Variants in PRPF19 observed in about 807,000 individuals in gnomAD.
PRPF19 encodes the protein pre-mRNA-processing factor 19.
A neutral mutation model predicts 64.2 loss-of-function variants in PRPF19; 2 were observed. The observed-to-expected ratio is 0.03, with a 90% CI of 0.01 to 0.10. The LOEUF (loss-of-function observed/expected upper bound fraction) is 0.10, where lower values mean the gene tolerates loss of function less well. Ranked by LOEUF, PRPF19 falls within the 10% of genes least tolerant of loss-of-function variation. PRPF19 has a pLI of 1.00. For synonymous variants in PRPF19, 226 were observed against 251.6 expected (o/e 0.90, Z 0.96); for missense variants, 314 against 650.0 (o/e 0.48, Z 5.62).
In PRPF19 at chr11:60,906,439, GC is replaced by G; in HGVS notation, c.-58del. On this transcript the variant is annotated 5_prime_UTR_variant, in exon 1 of 16. Coordinates refer to ENST00000227524, the MANE Select transcript of PRPF19 (RefSeq NM_014502.5). ...GCCGGGCTCCGGGACTAGCTTCTGAGCCTCCGCGAGCCACTTCCGGTCCCCC... is the reference window on the plus strand; with the variant it reads ...GCCGGGCTCCGGGACTAGCTTCTGAGCTCCGCGAGCCACTTCCGGTCCCCC... 6.7e-7 allele frequency: 1 copy of G among 1,483,296 alleles called. No homozygotes were observed. The highest frequency in any genetic ancestry group is 9.0e-7 in the Non-Finnish European group (1 of 1,110,164). 91.9% of individuals were successfully genotyped at this position (1,483,296 alleles called of 1,614,324 possible).
chr11:60,891,124 T>A lies in PRPF19; in HGVS notation c.*42A>T. ...CCCCCCCAAACCCTAATTCTACCCCTCTACTGAGATGAGGCCCAGCTTCCA... is the reference window on the plus strand; with the variant it reads ...CCCCCCCAAACCCTAATTCTACCCCACTACTGAGATGAGGCCCAGCTTCCA... On this transcript the variant is annotated 3_prime_UTR_variant, in exon 16 of 16. Coordinates refer to ENST00000227524, the MANE Select transcript of PRPF19 (RefSeq NM_014502.5). 1 of 481,994 alleles carries A rather than the reference T, an allele frequency of 2.1e-6. No homozygotes were observed. Among genetic ancestry groups the A allele is most frequent in the Non-Finnish European group, 3.6e-6 (1 of 274,748 alleles). 29.9% of individuals were successfully genotyped at this position (481,994 alleles called of 1,614,324 possible).
intron 15 of PRPF19, among the ~76,000 whole-genome samples, chr11:60,895,161 T>G (rs928026483): frequency 2.0e-5 from 3 of 152,208 alleles, no homozygotes; most frequent in Non-Finnish European, 4.4e-5. Flanking sequence ...GGCATTGACT[T>G]CTCTCTAGCT....
At chr11:60,899,035 C>T in intron 11 of PRPF19, 104 bp from the exon 12 acceptor site, 1 of 1,511,696 alleles carries the variant, frequency 6.6e-7, no homozygotes, top group Non-Finnish European at 9.0e-7. Flanking sequence ...CCCTGGCAAA[C>T]ATTCTCCTTT....
At chr11:60,892,740 G>C (rs1443841194) in intron 15 of PRPF19, among the ~76,000 whole-genome samples, 4 of 152,166 alleles carry the variant, frequency 2.6e-5, no homozygotes, top group Non-Finnish European at 4.4e-5. Context: ...CTTTCTCTAA[G>C]GGCAGGTCAT....
chr11:60,902,792 G>A lies in PRPF19; in HGVS notation c.336C>T (p.Ala112=), dbSNP rs143072524. 2.3e-5 allele frequency: 37 copies of A among 1,614,044 alleles called. No homozygotes were observed. In the African/African-American group the frequency reaches 3.2e-4, roughly 14 times the overall value. ...ELSHALYQHD[A]ACRVIARLTK... ...TGAGACGGGCAATGACACGGCAGGC[G>A]GCATCGTGCTGGTACAGAGCGTGTG... Residue 112 remains alanine, a synonymous_variant, in exon 4 of 16, where the codon GCC becomes GCT. Coordinates refer to ENST00000227524, the MANE Select transcript of PRPF19 (RefSeq NM_014502.5). The surrounding 1 kb of genome is among the most constrained non-coding windows in gnomAD (Gnocchi z 5.0).
In PRPF19 at chr11:60,902,973, T is replaced by A. The variant is rs111609666; in HGVS notation, c.247-92A>T. 9 of 1,528,178 alleles carry A rather than the reference T, an allele frequency of 5.9e-6. No individual in the cohort carries two copies. The highest frequency in any genetic ancestry group is 5.4e-5 in the African/African-American group (4 of 73,718). 94.7% of individuals were successfully genotyped at this position (1,528,178 alleles called of 1,614,324 possible). On this transcript the variant is annotated intron_variant, in intron 3 of 15. Transcript: ENST00000227524. This position sits in a 1 kb window ranked among gnomAD's most constrained non-coding sequence, Gnocchi z 5.0. ...CTTGGGGAGGGGATGCTGCCTCCTATCCCAGAGCCTAGACCAGTATCAGTG... is the reference window on the plus strand; with the variant it reads ...CTTGGGGAGGGGATGCTGCCTCCTAACCCAGAGCCTAGACCAGTATCAGTG...
chr11:60,902,354 G>GA lies in PRPF19; in HGVS notation c.525+48dup, dbSNP rs1188293331. 1 of 1,571,862 alleles carries GA rather than the reference G, an allele frequency of 6.4e-7. No homozygotes were observed. The highest frequency in any genetic ancestry group is 1.7e-5 in the Admixed American group (1 of 59,820). On this transcript the variant is annotated intron_variant, in intron 6 of 15. Transcript: ENST00000227524. The surrounding 1 kb of genome is among the most constrained non-coding windows in gnomAD (Gnocchi z 5.0). ...TCACGATGGACTCCAGACAGATGGTGAAAAGTAAGGGCCCATCAGCACTCC... is the reference window on the plus strand; with the variant it reads ...TCACGATGGACTCCAGACAGATGGTGAAAAAGTAAGGGCCCATCAGCACTCC...
chr11:60,892,295 T>C (rs74591678), intron 15 of PRPF19, among the ~76,000 whole-genome samples: 2 of 152,360 alleles, frequency 1.3e-5, no homozygotes, highest in Non-Finnish European at 2.9e-5. Flanking sequence ...TTAATCTACA[T>C]CTGCCTTACT....
intron 6 of PRPF19, 83 bp from the exon 7 acceptor site, chr11:60,901,623 A>G: frequency 6.6e-7 from 1 of 1,518,860 alleles, no homozygotes; most frequent in Non-Finnish European, 9.0e-7. Context: ...CTGTGCTTTC[A>G]AAAGCAGCAC....
chr11:60,897,779 C>CCCAGTGA, intron 15 of PRPF19, 67 bp downstream of exon 15: 1 of 1,360,840 alleles, frequency 7.3e-7, no homozygotes, highest in South Asian at 1.2e-5. Flanking sequence ...AAATTCCTAA[C>CCCAGTGA]CCAGTGAGGC....
At chr11:60,895,640 G>A (rs1048765594) in intron 15 of PRPF19, among the ~76,000 whole-genome samples, 1 of 152,164 alleles carries the variant, frequency 6.6e-6, no homozygotes. Flanking sequence ...AATATTTGGT[G>A]TTGAGGCCTA....
Position 60,902,522 on chromosome 11 carries a change from G to T in PRPF19, c.463-57C>A. The T allele has an allele frequency of 6.2e-7, 1 of 1,607,120 alleles. No individual in the cohort carries two copies. The highest frequency in any genetic ancestry group is 1.1e-5 in the South Asian group (1 of 90,950). On this transcript the variant is annotated intron_variant, in intron 5 of 15. Transcript: ENST00000227524. The surrounding 1 kb of genome is among the most constrained non-coding windows in gnomAD (Gnocchi z 5.0). ...CAGAGCACCAAAGACACCTGCATAA[G>T]GACAGTTCTGTGGGCCACTGTACAC...
At chr11:60,901,432 T>C in intron 7 of PRPF19, 63 bp from the exon 8 acceptor site, 2 of 1,613,610 alleles carry the variant, frequency 1.2e-6, no homozygotes, top group African/African-American at 2.7e-5. Flanking sequence ...CCGCCCTCTC[T>C]CTCCTAAGGA....
chr11:60,899,797 G>A (rs1368879014), intron 10 of PRPF19, among the ~76,000 whole-genome samples: 1 of 152,086 alleles, frequency 6.6e-6, no homozygotes, highest in Non-Finnish European at 1.5e-5. Context: ...AAGATTTGGG[G>A]CAGGGAGAGA....
chr11:60,902,295 C>T lies in PRPF19; in HGVS notation c.525+108G>A, dbSNP rs1343570486. 4.0e-6 allele frequency: 5 copies of T among 1,249,208 alleles called. No individual in the cohort carries two copies. The South Asian group carries it at 5.2e-5, about 13-fold the overall frequency. The allele number at this position is 1,249,208 out of a possible 1,614,324, so 77.4% of individuals were successfully genotyped here. A position where few individuals can be genotyped will look rare whatever the true frequency, so the allele number is the denominator to read the frequency against. ...ATCTGGTCCCAGGGTCCATGCTCTG[C>T]ACCACTCAACTCCCAAAAGCACAGT... On this transcript the variant is annotated intron_variant, in intron 6 of 15. Transcript: ENST00000227524. The surrounding 1 kb of genome is among the most constrained non-coding windows in gnomAD (Gnocchi z 5.0).
intron 10 of PRPF19, among the ~76,000 whole-genome samples, chr11:60,900,309 T>C (rs1447721294): frequency 6.6e-6 from 1 of 152,214 alleles, no homozygotes; most frequent in Non-Finnish European, 1.5e-5. Flanking sequence ...CACTATAAGA[T>C]TTTTTCTTTC....
intron 1 of PRPF19, among the ~76,000 whole-genome samples, chr11:60,905,938 A>C (rs563251033): frequency 8.5e-5 from 13 of 152,356 alleles, no homozygotes; most frequent in Non-Finnish European, 1.0e-4. Flanking sequence ...AGGCCTCGCA[A>C]AACATCCACT....
chr11:60,903,793 T>G lies in PRPF19; in HGVS notation c.88A>C (p.Ile30Leu). ...VSNHVYERRLIEKYIAENGTD... is the reference protein window; with the variant it reads ...VSNHVYERRLLEKYIAENGTD... ...CCATTCTCCGCAATGTACTTCTCGA[T>G]GAGCCGCCGCTCATAAACATGATTA... Residue 30 changes from isoleucine to leucine, a missense_variant, in exon 2 of 16, where the codon ATC becomes CTC. Transcript: ENST00000227524. 6.2e-7 allele frequency: 1 copy of G among 1,606,512 alleles called. No homozygotes were observed. Among genetic ancestry groups the G allele is most frequent in the East Asian group, 2.2e-5 (1 of 44,820 alleles).
At chr11:60,900,737 G>C (rs549140900) in intron 9 of PRPF19, 46 bp from the exon 10 acceptor site, 1 of 1,564,628 alleles carries the variant, frequency 6.4e-7, no homozygotes, top group Non-Finnish European at 8.7e-7. Context: ...GGCCCACCCA[G>C]GCCCTTTTGC....
Sources: gnomAD v4.1 joint callset for allele counts (sites outside exome capture counted in the v4.1 genomes callset) on GRCh38, gnomAD v4.1.1 for gene constraint, Gnocchi (gnomAD v3.1) non-coding constraint, MANE v1.5 for transcripts, NCBI Gene and HGNC (gene_info 2026-07-23, HGNC 2026-07-21) for gene names.